LRRC66: variants seen among roughly 807,000 people sequenced by gnomAD.
The protein encoded by LRRC66 is leucine-rich repeat-containing protein 66.
A neutral mutation model predicts 24.6 loss-of-function variants in LRRC66; 29 were observed. The ratio of observed to expected loss-of-function variants is 1.18; its 90% CI spans 0.88 to 1.61. The LOEUF (loss-of-function observed/expected upper bound fraction) is 1.61, where lower values mean the gene tolerates loss of function less well. LRRC66 is among the 40% of genes most tolerant of loss of function. The pLI, the probability that LRRC66 is intolerant of heterozygous loss-of-function variation, is 0.00. For missense variants in LRRC66, 1,124 were observed against 1,058.0 expected (o/e 1.06, Z -0.87); for synonymous variants, 411 against 397.6 (o/e 1.03, Z -0.40).
chr4:52,012,857 G>GA (rs1350795541), intron 2 of LRRC66, among the ~76,000 whole-genome samples: 2 of 151,988 alleles, frequency 1.3e-5, no homozygotes, highest in Non-Finnish European at 2.9e-5. Context: ...CTGTCTCTCA[G>GA]AAAAAAAGGC....
chr4:52,016,984 T>G, intron 2 of LRRC66, 134 bp downstream of exon 2: 1 of 967,334 alleles, frequency 1.0e-6, no homozygotes, highest in Non-Finnish European at 1.5e-6. Context: ...CTAAGAAACA[T>G]TATTATATGT....
chr4:52,006,581 T>G (rs1736590492), intron 2 of LRRC66, among the ~76,000 whole-genome samples: 1 of 148,136 alleles, frequency 6.8e-6, no homozygotes, highest in African/African-American at 2.5e-5. Flanking sequence ...GGGATAGCAT[T>G]GGGAGATATA....
At chr4:52,001,557 G>C (rs1736447513) in intron 3 of LRRC66, among the ~76,000 whole-genome samples, 1 of 152,190 alleles carries the variant, frequency 6.6e-6, no homozygotes, top group Admixed American at 6.5e-5. Flanking sequence ...CATTTATAAA[G>C]TACTTACTGT....
intron 2 of LRRC66, among the ~76,000 whole-genome samples, chr4:52,010,037 A>C (rs1023895680): frequency 1.3e-5 from 2 of 152,040 alleles, no homozygotes; most frequent in Non-Finnish European, 2.9e-5. Flanking sequence ...TTAATATTAG[A>C]AAATCTACAC....
At chr4:51,998,311 C>T (rs909269024) in intron 3 of LRRC66, among the ~76,000 whole-genome samples, 6 of 152,222 alleles carry the variant, frequency 3.9e-5, no homozygotes, top group African/African-American at 1.4e-4. Flanking sequence ...AATTGGATAC[C>T]AGGTCAAGAA....
intron 1 of LRRC66, 115 bp from the exon 2 acceptor site, chr4:52,017,733 C>T: frequency 7.3e-7 from 1 of 1,370,170 alleles, no homozygotes; most frequent in Non-Finnish European, 9.4e-7. Flanking sequence ...GTCTTGGTTG[C>T]CAATTTAAGC....
rs1420146617 is a variant in LRRC66, at chr4:51,995,371, G to A, written c.1651C>T (p.His551Tyr). Residue 551 changes from histidine to tyrosine, a missense_variant, in exon 5 of 5, where the codon CAT becomes TAT. By Grantham distance (83) the His-to-Tyr change is moderately conservative (BLOSUM62 2). Transcript: ENST00000682860. Reference protein sequence around the residue: ...TVAQEEPLSAHSVGVSSVAGT... With the variant: ...TVAQEEPLSAYSVGVSSVAGT... ...GCTACAGAAGAGACGCCCACTGAAT[G>A]TGCACTGAGAGGCTCTTCCTGGGCC... is the stretch of plus-strand genomic sequence containing the variant. The A allele has an allele frequency of 3.1e-6, 5 of 1,614,078 alleles. No individual in the cohort carries two copies. The highest frequency in any genetic ancestry group is 3.4e-6 in the Non-Finnish European group (4 of 1,180,040).
intron 2 of LRRC66, among the ~76,000 whole-genome samples, chr4:52,003,920 T>A (rs1005437724): frequency 9.2e-5 from 14 of 152,246 alleles, no homozygotes; most frequent in Admixed American, 2.6e-4. Context: ...TAAAACTAAA[T>A]AATCTTGCTA....
intron 1 of LRRC66, chr4:52,018,373 T>G: frequency 1.0e-6 from 1 of 984,896 alleles, no homozygotes; most frequent in Non-Finnish European, 1.2e-6. Flanking sequence ...ATCACAAAAA[T>G]AAGTTTAAAA....
In LRRC66 at chr4:52,017,637, A is replaced by G; in HGVS notation, c.-5-19T>C. On this transcript the variant is annotated intron_variant, in intron 1 of 4. Coordinates refer to ENST00000682860, the MANE Select transcript of LRRC66 (RefSeq NM_001024611.3). ...ATAATGCCTGGAAAAAGGAAAATGA[A>G]TTGACTTATTCACAATAATATATAA... The G allele has an allele frequency of 6.6e-7, 1 of 1,518,100 alleles. No individual in the cohort carries two copies. 94.0% of individuals were successfully genotyped at this position (1,518,100 alleles called of 1,614,324 possible).
chr4:52,003,555 G>A (rs1355561888), intron 2 of LRRC66, among the ~76,000 whole-genome samples, 163 bp from the exon 3 acceptor site: 1 of 152,166 alleles, frequency 6.6e-6, no homozygotes, highest in African/African-American at 2.4e-5. Context: ...GGTCTCAAAG[G>A]AGAATGAGAC....
intron 2 of LRRC66, among the ~76,000 whole-genome samples, chr4:52,014,510 T>G (rs1267370795): frequency 1.3e-5 from 2 of 152,212 alleles, no homozygotes; most frequent in Admixed American, 1.3e-4. Flanking sequence ...GTAAATCTTA[T>G]ATTATCCAGA....
At chr4:52,001,505 G>C (rs958382911) in intron 3 of LRRC66, among the ~76,000 whole-genome samples, 1 of 152,184 alleles carries the variant, frequency 6.6e-6, no homozygotes, top group Admixed American at 6.5e-5. Flanking sequence ...TGTTAAAAGA[G>C]CAGGCGACAG....
intron 2 of LRRC66, among the ~76,000 whole-genome samples, chr4:52,006,656 C>A (rs1435061843): frequency 1.4e-5 from 2 of 142,856 alleles, no homozygotes; most frequent in African/African-American, 5.2e-5. Flanking sequence ...ACATATGTAA[C>A]TAACCTGCAC....
chr4:52,003,506 AAAC>A, intron 2 of LRRC66, 114 bp from the exon 3 acceptor site: 2 of 805,088 alleles, frequency 2.5e-6, no homozygotes, highest in South Asian at 3.5e-5. Flanking sequence ...AGGTATTGTT[AAAC>A]AACGTATGGT....
At position 51,995,639 on chromosome 4, in the gene LRRC66, T is replaced by A. The variant is rs1201297628; in HGVS notation, c.1383A>T (p.Thr461=). ...LYENQTPFWV[T]QPHPHATVIP... ...TTACGGTGGCGTGTGGGTGTGGCTG[T>A]GTCACCCAGAAAGGGGTCTGGTTCT... Residue 461 remains threonine (T), a synonymous_variant, in exon 5 of 5, where the codon ACA becomes ACT. Coordinates refer to ENST00000682860, the MANE Select transcript of LRRC66 (RefSeq NM_001024611.3). The A allele has an allele frequency of 1.2e-6, 2 of 1,614,070 alleles. No homozygotes were observed. Among genetic ancestry groups the A allele is most frequent in the South Asian group, 2.2e-5 (2 of 91,050 alleles).
Position 51,994,232 on chromosome 4 carries a change from C to A in LRRC66, c.*147G>T. On this transcript the variant is annotated 3_prime_UTR_variant, in exon 5 of 5. Coordinates refer to ENST00000682860, the MANE Select transcript of LRRC66 (RefSeq NM_001024611.3). ...GAATCATCGCCCTCAAGTGGGCCCA[C>A]AAAACCCTCATTTGCATCAGTGTCC... is the stretch of plus-strand genomic sequence containing the variant. 6 of 764,446 alleles carry A rather than the reference C, an allele frequency of 7.8e-6. No individual in the cohort carries two copies. The highest frequency in any genetic ancestry group is 2.7e-5 in the East Asian group (1 of 37,142). The allele number at this position is 764,446 out of a possible 1,614,324, so 47.4% of individuals were successfully genotyped here.
chr4:51,995,080 C>T lies in LRRC66; in HGVS notation c.1942G>A (p.Ala648Thr), dbSNP rs1277934599. The T allele has an allele frequency of 2.5e-6, 4 of 1,614,220 alleles. No individual in the cohort carries two copies. Among genetic ancestry groups the T allele is most frequent in the Non-Finnish European group, 3.4e-6 (4 of 1,180,042 alleles). Residue 648 changes from alanine to threonine, a missense_variant, in exon 5 of 5, where the codon GCG (alanine) becomes ACG (threonine). Ala to Thr is a moderately conservative substitution (Grantham distance 58). Transcript: ENST00000682860. ...ACCTCGCTGTAGTGGGCTGAAAGCG[C>T]TTCCTCAGCCCTTGCCCCGGACAGC... ...PRLSGARAEE[A>T]LSAHYSEVPY...
intron 3 of LRRC66, among the ~76,000 whole-genome samples, chr4:52,002,702 TATC>T (rs1476873870): frequency 1.3e-5 from 2 of 152,214 alleles, no homozygotes; most frequent in Non-Finnish European, 2.9e-5. Context: ...AGTATGGAAA[TATC>T]ATTATCATTT....
Sources: gnomAD v4.1 joint callset for allele counts (sites outside exome capture counted in the v4.1 genomes callset) on GRCh38, gnomAD v4.1.1 for gene constraint, MANE v1.5 for transcripts, NCBI Gene and HGNC (gene_info 2026-07-23, HGNC 2026-07-21) for gene names.